Variants in UBAC2 observed in about 807,000 individuals in gnomAD.
The protein encoded by UBAC2 is ubiquitin-associated domain-containing protein 2.
Under a neutral mutation model 44.0 loss-of-function variants are expected in UBAC2, and 26 were observed. The observed-to-expected ratio is 0.59, with a 90% CI of 0.43 to 0.82. UBAC2 has a LOEUF of 0.82. Among genes scored for constraint, UBAC2 ranks in the 40% least tolerant of loss-of-function variants. The pLI is 0.00. For synonymous variants in UBAC2, 155 were observed against 154.3 expected, an observed-to-expected ratio of 1.00 and a Z score of -0.04; for missense variants, 329 against 419.4, an observed-to-expected ratio of 0.78 and a Z score of 1.88.
At chr13:99,346,330 C>CA (rs891353558) in intron 7 of UBAC2, among the ~76,000 whole-genome samples, 1 of 152,198 alleles carries the variant, frequency 6.6e-6, no homozygotes, top group Non-Finnish European at 1.5e-5. Context: ...GAGCCTGCCC[C>CA]ACAGCCTCCA....
At chr13:99,273,834 T>TA in intron 4 of UBAC2, among the ~76,000 whole-genome samples, 1 of 151,810 alleles carries the variant, frequency 6.6e-6, no homozygotes, top group African/African-American at 2.4e-5. Context: ...ACCTAGATGT[T>TA]CAGTCTCCTG....
intron 7 of UBAC2, among the ~76,000 whole-genome samples, chr13:99,349,672 A>G (rs923440438): frequency 6.6e-6 from 1 of 152,224 alleles, no homozygotes; most frequent in Non-Finnish European, 1.5e-5. Context: ...GTTTTCTTCT[A>G]TGCACTTATA....
chr13:99,293,402 C>G (rs941120588), intron 4 of UBAC2, among the ~76,000 whole-genome samples: 5 of 152,204 alleles, frequency 3.3e-5, no homozygotes, highest in African/African-American at 1.2e-4. Flanking sequence ...CAGGGCACCA[C>G]AGAGAAGCTC....
Position 99,243,880 on chromosome 13 carries a change from A to G in UBAC2, c.208A>G (p.Thr70Ala). Reference protein sequence around the residue: ...GRIICLDLKDTFCSSLLIYNF... With the variant: ...GRIICLDLKDAFCSSLLIYNF... The stretch of plus-strand genomic sequence containing the variant: ...AATAATTTGCCTTGATTTGAAAGAT[A>G]CTTTCTGCAGTAGTCTGCTTATTTA... Residue 70 changes from threonine to alanine, a missense_variant, in exon 3 of 9, where the codon ACT becomes GCT. By Grantham distance (58) the Thr-to-Ala change is moderately conservative (BLOSUM62 0). Transcript: ENST00000403766. 6.3e-7 allele frequency: 1 copy of G among 1,574,834 alleles called. No homozygotes were observed. The highest frequency in any genetic ancestry group is 8.6e-7 in the Non-Finnish European group (1 of 1,158,146).
chr13:99,236,721 G>A (rs1234713166), intron 1 of UBAC2, among the ~76,000 whole-genome samples: 1 of 152,096 alleles, frequency 6.6e-6, no homozygotes, highest in East Asian at 1.9e-4. Context: ...ATGGTGGTGG[G>A]TGCCTGTAAT....
At chr13:99,227,009 A>G (rs1028145927) in intron 1 of UBAC2, among the ~76,000 whole-genome samples, 1 of 152,022 alleles carries the variant, frequency 6.6e-6, no homozygotes, top group Non-Finnish European at 1.5e-5. Flanking sequence ...GACCAGCCTG[A>G]CCAACATGGA....
At position 99,295,690 on chromosome 13, in the gene UBAC2, G is replaced by A. The variant is rs1407959558; in HGVS notation, c.390-18407G>A. ...CAAATACTAGAATCCAGACAAATAT[G>A]CACACGCCTTTTGCATGTTCAATCC... On this transcript the variant is annotated intron_variant, in intron 4 of 8. Coordinates refer to ENST00000403766, the MANE Select transcript of UBAC2 (RefSeq NM_001144072.2). This position sits in a 1 kb window ranked among gnomAD's most constrained non-coding sequence, Gnocchi z 4.1. The A allele has an allele frequency of 6.2e-7, 1 of 1,614,150 alleles. No homozygotes were observed. The highest frequency in any genetic ancestry group is 1.1e-5 in the South Asian group (1 of 91,082).
chr13:99,268,583 G>A (rs540166447), intron 4 of UBAC2, among the ~76,000 whole-genome samples: 2 of 127,786 alleles, frequency 1.6e-5, no homozygotes, highest in African/African-American at 6.2e-5. Flanking sequence ...ACTCCATTCA[G>A]CCTGGGCTAC....
chr13:99,291,480 C>A (rs1208309707), intron 4 of UBAC2, among the ~76,000 whole-genome samples: 1 of 152,122 alleles, frequency 6.6e-6, no homozygotes, highest in Non-Finnish European at 1.5e-5. Flanking sequence ...TAAGAAATTA[C>A]AATGGTCCAA....
At position 99,233,268 on chromosome 13, in the gene UBAC2, A is replaced by G. The variant is rs2043196709; in HGVS notation, c.32-5159A>G. The stretch of plus-strand genomic sequence containing the variant: ...GCTGGGACTGCAGGCACGCACCACC[A>G]TGCCCAGCTAATTTTTGTATTTTTA... On this transcript the variant is annotated intron_variant, in intron 1 of 8. Coordinates refer to ENST00000403766, the MANE Select transcript of UBAC2 (RefSeq NM_001144072.2). Among the ~76,000 whole-genome samples, 8 of 152,088 alleles carry G rather than the reference A, an allele frequency of 5.3e-5. No individual in the cohort carries two copies. The South Asian group carries it at 1.5e-3, about 28-fold the overall frequency.
chr13:99,331,788 C>G (rs577585509), intron 6 of UBAC2, among the ~76,000 whole-genome samples: 4 of 152,222 alleles, frequency 2.6e-5, no homozygotes, highest in Non-Finnish European at 5.9e-5. Flanking sequence ...TATGCTTTCT[C>G]TAACATTTTC....
At chr13:99,378,934 G>A (rs2045516766) in intron 8 of UBAC2, among the ~76,000 whole-genome samples, 1 of 152,196 alleles carries the variant, frequency 6.6e-6, no homozygotes. Context: ...AAAGTACATG[G>A]CATAAACATG....
intron 4 of UBAC2, among the ~76,000 whole-genome samples, chr13:99,285,382 T>C (rs2044005407): frequency 6.6e-6 from 1 of 151,680 alleles, no homozygotes; most frequent in Admixed American, 6.6e-5. Context: ...TTATTTATTA[T>C]TACCTTTCTT....
intron 4 of UBAC2, among the ~76,000 whole-genome samples, chr13:99,300,710 A>G (rs1455931467): frequency 1.3e-5 from 2 of 152,186 alleles, no homozygotes; most frequent in Non-Finnish European, 2.9e-5. Flanking sequence ...GAGGGTCTGG[A>G]ACTGAAGGGT....
At chr13:99,333,316 A>G (rs1269991500) in intron 6 of UBAC2, among the ~76,000 whole-genome samples, 1 of 152,236 alleles carries the variant, frequency 6.6e-6, no homozygotes, top group Non-Finnish European at 1.5e-5. Flanking sequence ...GTAGCACTTT[A>G]TTTGACAACT....
intron 4 of UBAC2, chr13:99,255,824 G>C (rs1346872666): frequency 6.2e-7 from 1 of 1,606,316 alleles, no homozygotes; most frequent in South Asian, 1.1e-5. Flanking sequence ...TCATCTGGAT[G>C]TGAGCTGTTA....
At chr13:99,299,491 T>C (rs2044226166) in intron 4 of UBAC2, among the ~76,000 whole-genome samples, 1 of 152,170 alleles carries the variant, frequency 6.6e-6, no homozygotes, top group South Asian at 2.1e-4. Flanking sequence ...GATGTCTGTA[T>C]GCCAAAACAT....
intron 4 of UBAC2, among the ~76,000 whole-genome samples, chr13:99,301,077 T>G (rs2138731196): frequency 6.6e-6 from 1 of 152,366 alleles, no homozygotes; most frequent in Non-Finnish European, 1.5e-5. Context: ...CTAAATCTTT[T>G]TTCTTTAGAA....
chr13:99,335,378 GTT>G (rs71215516), intron 6 of UBAC2, among the ~76,000 whole-genome samples: 184 of 146,254 alleles, frequency 1.3e-3, no homozygotes, highest in African/African-American at 3.8e-3. Flanking sequence ...ATTCATTACT[GTT>G]TTTTTTTTTC....
Sources: allele counts gnomAD v4.1 joint callset (sites outside exome capture counted in the v4.1 genomes callset), GRCh38; gene constraint gnomAD v4.1.1; non-coding constraint Gnocchi (gnomAD v3.1); transcripts MANE v1.5; gene names NCBI Gene and HGNC (gene_info 2026-07-23, HGNC 2026-07-21).